LRRC14: variants seen among roughly 807,000 people sequenced by gnomAD.
The protein encoded by LRRC14 is leucine-rich repeat-containing protein 14.
Under a neutral mutation model 25.3 loss-of-function variants are expected in LRRC14, and 16 were observed. That is an observed-to-expected ratio of 0.63 (90% CI 0.43 to 0.96). LRRC14 has a LOEUF of 0.96. Ranked by LOEUF, LRRC14 falls within the 40% of genes least tolerant of loss-of-function variation. LRRC14 has a pLI of 0.00. For missense variants in LRRC14, 594 were observed against 660.5 expected, an observed-to-expected ratio of 0.90 and a Z score of 1.10; for synonymous variants, 359 against 295.1, an observed-to-expected ratio of 1.22 and a Z score of -2.22.
rs1478045620 is a variant in LRRC14 at position 144,522,766 on chromosome 8, C to T, written c.*1288C>T. 2 of 1,573,974 alleles carry T rather than the reference C, an allele frequency of 1.3e-6. No individual in the cohort carries two copies. The highest frequency in any genetic ancestry group is 3.6e-5 in the Admixed American group (2 of 55,548). On this transcript the variant is annotated 3_prime_UTR_variant, in exon 4 of 4. Transcript: ENST00000292524. ...AGATCATGGCGACCAGGAGCAGCGC[C>T]GTGAGCGCCAGCAGCGCGATGGCCG... is the stretch of plus-strand genomic sequence containing the variant.
At chr8:144,519,556 G>C (rs1815829373) in intron 1 of LRRC14, 59 bp from the exon 2 acceptor site, 3 of 628,966 alleles carry the variant, frequency 4.8e-6, no homozygotes, top group Admixed American at 5.4e-5. Flanking sequence ...CCCAGCGCTA[G>C]GCATCTAATA....
Position 144,522,200 on chromosome 8 carries a change from A to C in LRRC14, c.*722A>C. 2.4e-6 allele frequency: 1 copy of C among 415,968 alleles called. No homozygotes were observed. Among genetic ancestry groups the C allele is most frequent in the East Asian group, 4.0e-5 (1 of 25,268 alleles). The allele number at this position is 415,968 out of a possible 1,614,324, so 25.8% of individuals were successfully genotyped here. On this transcript the variant is annotated 3_prime_UTR_variant, in exon 4 of 4. Transcript: ENST00000292524. ...GCTCTTCCCACCTTTCGGAGGCCCA[A>C]GATCCTACTGTGGCCGGCCAGGGCC...
Position 144,522,555 on chromosome 8 carries a change from G to C in LRRC14, c.*1077G>C, listed in dbSNP as rs529876907. The C allele has an allele frequency of 5.2e-6, 8 of 1,538,036 alleles. No homozygotes were observed. The East Asian group carries it at 2.1e-4, about 40-fold the overall frequency. On this transcript the variant is annotated 3_prime_UTR_variant, in exon 4 of 4. Transcript: ENST00000292524. ...CCCTGTTCCGGGCCGCAGTCAGCGG[G>C]CGCCTCCGCCGGACCCTCGGCGAAG...
rs773121580 is a variant in LRRC14 at position 144,524,419 on chromosome 8, C to T, written c.*2941C>T. The stretch of plus-strand genomic sequence containing the variant: ...AGGGGCCATAATGGAGTATCCCGCC[C>T]CTTTAGACCCCAGGCGCTCACCGGC... On this transcript the variant is annotated 3_prime_UTR_variant, in exon 4 of 4. Coordinates refer to ENST00000292524, the MANE Select transcript of LRRC14 (RefSeq NM_014665.4). 1.2e-5 allele frequency: 19 copies of T among 1,596,860 alleles called. No homozygotes were observed. The highest frequency in any genetic ancestry group is 2.2e-5 in the South Asian group (2 of 90,942).
At position 144,523,004 on chromosome 8, in the gene LRRC14, G is replaced by A. The variant is rs1380544735; in HGVS notation, c.*1526G>A. The A allele has an allele frequency of 1.9e-6, 3 of 1,595,930 alleles. No individual in the cohort carries two copies. The highest frequency in any genetic ancestry group is 2.6e-6 in the Non-Finnish European group (3 of 1,174,800). ...CTCGCACTCGTACTTACCGGCGTGCGCCAGCGTGATGTTGCTGAGGAAGAG... is the reference window on the plus strand; with the variant it reads ...CTCGCACTCGTACTTACCGGCGTGCACCAGCGTGATGTTGCTGAGGAAGAG... On this transcript the variant is annotated 3_prime_UTR_variant, in exon 4 of 4. Transcript: ENST00000292524.
chr8:144,519,927 T>C lies in LRRC14; in HGVS notation c.202T>C (p.Cys68Arg). 1 of 1,613,072 alleles carries C rather than the reference T, an allele frequency of 6.2e-7. No homozygotes were observed. The highest frequency in any genetic ancestry group is 8.5e-7 in the Non-Finnish European group (1 of 1,179,988). ...LLSFQQLLQE[C>R]AHCSRALLQE... ...CAGTTTCCAGCAGCTGCTACAGGAG[T>C]GTGCCCACTGCAGCCGTGCCCTCCT... The change falls in exon 2 of 4, where the codon TGT becomes CGT. Residue 68 changes from cysteine to arginine, a missense_variant. Cys to Arg is a radical substitution (Grantham distance 180). Coordinates refer to ENST00000292524, the MANE Select transcript of LRRC14 (RefSeq NM_014665.4).
rs1420420518 is a variant in LRRC14, at chr8:144,522,632, A to T, written c.*1154A>T. On this transcript the variant is annotated 3_prime_UTR_variant, in exon 4 of 4. Transcript: ENST00000292524. ...CATCTCGTGGCCGCGCTCGTCGCGGAGCTCCTCTAGCTGTGCGAACGTACA... is the reference window on the plus strand; with the variant it reads ...CATCTCGTGGCCGCGCTCGTCGCGGTGCTCCTCTAGCTGTGCGAACGTACA... 6.3e-7 allele frequency: 1 copy of T among 1,577,564 alleles called. No homozygotes were observed. The highest frequency in any genetic ancestry group is 1.8e-5 in the Admixed American group (1 of 56,216).
Position 144,522,560 on chromosome 8 carries a change from T to G in LRRC14, c.*1082T>G. On this transcript the variant is annotated 3_prime_UTR_variant, in exon 4 of 4. Transcript: ENST00000292524. ...TTCCGGGCCGCAGTCAGCGGGCGCC[T>G]CCGCCGGACCCTCGGCGAAGAGCGG... The G allele has an allele frequency of 6.5e-7, 1 of 1,541,750 alleles. No homozygotes were observed. The highest frequency in any genetic ancestry group is 8.7e-7 in the Non-Finnish European group (1 of 1,146,936).
In LRRC14 at chr8:144,524,470, G is replaced by C. The variant is rs754321580; in HGVS notation, c.*2992G>C. On this transcript the variant is annotated 3_prime_UTR_variant, in exon 4 of 4. Transcript: ENST00000292524. ...AGGTGCAAGAAGGTGAAATCCAGCAGCCGCGCCAGCTGGTTGCCCGCCAGG... is the reference window on the plus strand; with the variant it reads ...AGGTGCAAGAAGGTGAAATCCAGCACCCGCGCCAGCTGGTTGCCCGCCAGG... 7 of 1,597,884 alleles carry C rather than the reference G, an allele frequency of 4.4e-6. No homozygotes were observed. The East Asian group carries it at 1.3e-4, about 31-fold the overall frequency.
rs1412461288 is a variant in LRRC14 at position 144,521,615 on chromosome 8, A to G, written c.*137A>G. On this transcript the variant is annotated 3_prime_UTR_variant, in exon 4 of 4. Coordinates refer to ENST00000292524, the MANE Select transcript of LRRC14 (RefSeq NM_014665.4). ...TGCTGGGTCTACCTTGCTTCTGGGC[A>G]CACCTCAAGCCTCCCCTGCTTTCTG... The G allele has an allele frequency of 2.3e-6, 2 of 874,060 alleles. No homozygotes were observed. The highest frequency in any genetic ancestry group is 3.4e-6 in the Non-Finnish European group (2 of 586,114). The allele number at this position is 874,060 out of a possible 1,614,324, so 54.1% of individuals were successfully genotyped here.
In LRRC14 at chr8:144,520,679, T is replaced by C. The variant is rs1554907383; in HGVS notation, c.771T>C (p.Tyr257=). 11 of 1,601,050 alleles carry C rather than the reference T, an allele frequency of 6.9e-6. No individual in the cohort carries two copies. The Admixed American group carries it at 1.0e-4, about 15-fold the overall frequency. The change falls in exon 3 of 4, where the codon TAT becomes TAC. Residue 257 remains tyrosine (Y), a synonymous_variant. Transcript: ENST00000292524. ...ACCTGGCCAGCCTGCGGCTCCACTA[T>C]GTGCATGGGGATTCAAGGCAGCCCT... ...FQHLASLRLH[Y]VHGDSRQPSV... is the part of the protein sequence containing the mutation.
In LRRC14 at chr8:144,520,914, C is replaced by G. The variant is rs143938732; in HGVS notation, c.918C>G (p.Thr306=). 23 of 1,608,938 alleles carry G rather than the reference C, an allele frequency of 1.4e-5. No individual in the cohort carries two copies. The highest frequency in any genetic ancestry group is 1.7e-5 in the Non-Finnish European group (20 of 1,179,128). Residue 306 remains threonine, a synonymous_variant, in exon 4 of 4, where the codon ACC becomes ACG. Transcript: ENST00000292524. ...GTGACCCCTGTGTCCCCTGTAGCAC[C>G]CTGCAGAGCCCCCTGGAGAGCCTGG... The part of the protein sequence containing the change: ...LSGRLDQLLS[T]LQSPLESLEL...
chr8:144,525,050 C>T lies in LRRC14; in HGVS notation c.*3572C>T, dbSNP rs1816313043. On this transcript the variant is annotated 3_prime_UTR_variant, in exon 4 of 4. Coordinates refer to ENST00000292524, the MANE Select transcript of LRRC14 (RefSeq NM_014665.4). ...CGTGCCCTCCTGAAACACAGGTTGG[C>T]AGGCCAGTCTCGGCAGTCGAGAGCC... The T allele has an allele frequency of 7.4e-7, 1 of 1,360,158 alleles. No homozygotes were observed. Among genetic ancestry groups the T allele is most frequent in the Non-Finnish European group, 9.4e-7 (1 of 1,060,090 alleles). The allele number at this position is 1,360,158 out of a possible 1,614,324, so 84.3% of individuals were successfully genotyped here.
chr8:144,521,198 A>G lies in LRRC14; in HGVS notation c.1202A>G (p.Tyr401Cys), dbSNP rs1167727057. ...QCASLRYLGLYGNPLSMAGLK... is the reference protein window; with the variant it reads ...QCASLRYLGLCGNPLSMAGLK... ...GCCAGTCTCCGGTACCTTGGCCTCT[A>G]TGGCAACCCACTGTCCATGGCGGGC... The change falls in exon 4 of 4, where the codon TAT becomes TGT. Residue 401 changes from tyrosine to cysteine, a missense_variant. Physicochemically the swap from Tyr to Cys is radical, Grantham distance 194. Transcript: ENST00000292524. The G allele has an allele frequency of 3.1e-6, 5 of 1,613,258 alleles. No individual in the cohort carries two copies. The highest frequency in any genetic ancestry group is 2.2e-5 in the East Asian group (1 of 44,884).
rs1458806102 is a variant in LRRC14 at position 144,522,374 on chromosome 8, G to T, written c.*896G>T. The T allele has an allele frequency of 6.0e-6, 8 of 1,331,786 alleles. No homozygotes were observed. Among genetic ancestry groups the T allele is most frequent in the Middle Eastern group, 5.6e-4 (2 of 3,574 alleles). 82.5% of individuals were successfully genotyped at this position (1,331,786 alleles called of 1,614,324 possible). On this transcript the variant is annotated 3_prime_UTR_variant, in exon 4 of 4. Coordinates refer to ENST00000292524, the MANE Select transcript of LRRC14 (RefSeq NM_014665.4). ...CGTTCCCGGCTCGCGCCCCACACAC[G>T]GCTCAGCGCACACTGCGCGGCTTCC...
Position 144,521,726 on chromosome 8 carries a change from G to GAT in LRRC14, c.*248_*249insAT. On this transcript the variant is annotated 3_prime_UTR_variant, in exon 4 of 4. Transcript: ENST00000292524. Reference sequence around the variant, plus strand: ...CGGGGCTGGATGTCAGGCCTCCATTGCCCTGCTCAGTTTGGCTGCATTTGG... The same window carrying GAT: ...CGGGGCTGGATGTCAGGCCTCCATTGATCCCTGCTCAGTTTGGCTGCATTTGG... 7 of 533,950 alleles carry GAT rather than the reference G, an allele frequency of 1.3e-5. No homozygotes were observed. Among genetic ancestry groups the GAT allele is most frequent in the Non-Finnish European group, 2.0e-5 (6 of 299,720 alleles). 33.1% of individuals were successfully genotyped at this position (533,950 alleles called of 1,614,324 possible). A position where few individuals can be genotyped will look rare whatever the true frequency, so the allele number is the denominator to read the frequency against.
rs1014927087 is a variant in LRRC14, at chr8:144,523,709, G to A, written c.*2231G>A. 10 of 414,762 alleles carry A rather than the reference G, an allele frequency of 2.4e-5. No homozygotes were observed. Among genetic ancestry groups the A allele is most frequent in the East Asian group, 3.8e-5 (1 of 26,262 alleles). 25.7% of individuals were successfully genotyped at this position (414,762 alleles called of 1,614,324 possible). ...CTGCAACAAGTGCCACTGTTTTTAG[G>A]AACCTGGGCGTCCACATAGACATCT... On this transcript the variant is annotated 3_prime_UTR_variant, in exon 4 of 4. Transcript: ENST00000292524.
At chr8:144,519,503 T>TG (rs1815821409) in intron 1 of LRRC14, 112 bp from the exon 2 acceptor site, 1 of 591,434 alleles carries the variant, frequency 1.7e-6, no homozygotes, top group Non-Finnish European at 3.0e-6. Flanking sequence ...TCTGGAGGGC[T>TG]GGGGCTGAGT....
rs776594949 is a variant in LRRC14, at chr8:144,524,503, C to T, written c.*3025C>T. The T allele has an allele frequency of 1.9e-6, 3 of 1,596,702 alleles. No individual in the cohort carries two copies. Among genetic ancestry groups the T allele is most frequent in the Middle Eastern group, 1.7e-4 (1 of 5,942 alleles). On this transcript the variant is annotated 3_prime_UTR_variant, in exon 4 of 4. Transcript: ENST00000292524. Reference sequence around the variant, plus strand: ...AGCTGGTTGCCCGCCAGGTAGAGCACGCGCAGCTGGGCCAGGCCTACGAAG... The same window carrying T: ...AGCTGGTTGCCCGCCAGGTAGAGCATGCGCAGCTGGGCCAGGCCTACGAAG...
Sources: allele counts gnomAD v4.1 joint callset, GRCh38; gene constraint gnomAD v4.1.1; transcripts MANE v1.5; gene names NCBI Gene and HGNC (gene_info 2026-07-23, HGNC 2026-07-21).